The following KANK1 variants were observed in gnomAD, a reference collection of about 807,000 sequenced individuals.
The protein encoded by KANK1 is KN motif and ankyrin repeat domains 1.
A neutral mutation model predicts 106.2 loss-of-function variants in KANK1; 109 were observed. The ratio of observed to expected loss-of-function variants is 1.03; its 90% CI spans 0.88 to 1.20. The LOEUF (loss-of-function observed/expected upper bound fraction) is 1.20, where lower values mean the gene tolerates loss of function less well. KANK1 is among the 50% of genes most tolerant of loss of function. The pLI is 0.00. For missense variants in KANK1, 2,399 were observed against 1,710.7 expected (o/e 1.40, Z -7.10); for synonymous variants, 873 against 652.2 (o/e 1.34, Z -5.16).
At chr9:571,746 C>G (rs1819231567) in intron 1 of KANK1, among the ~76,000 whole-genome samples, 1 of 152,130 alleles carries the variant, frequency 6.6e-6, no homozygotes, top group African/African-American at 2.4e-5. Context: ...GAAGCAGACA[C>G]ATGGAGCAAG....
At position 672,834 on chromosome 9, in the gene KANK1, C is replaced by G. The variant is rs555013815; in HGVS notation, c.-83-4056C>G. Among the ~76,000 whole-genome samples the G allele has an allele frequency of 4.8e-4, 73 of 152,274 alleles. 1 individual carries two copies. Among genetic ancestry groups the G allele is most frequent in the Middle Eastern group, 3.4e-3 (1 of 294 alleles). On this transcript the variant is annotated intron_variant, in intron 1 of 11. Coordinates refer to ENST00000382297, the MANE Select transcript of KANK1 (RefSeq NM_015158.5). Reference sequence around the variant, plus strand: ...TTCAGTCTCCCGAAATAAATAGACACAAAGACAAATTCTTTATTTTCTCTG... The same window carrying G: ...TTCAGTCTCCCGAAATAAATAGACAGAAAGACAAATTCTTTATTTTCTCTG...
At chr9:702,324 C>G (rs896146041) in intron 2 of KANK1, among the ~76,000 whole-genome samples, 9 of 152,136 alleles carry the variant, frequency 5.9e-5, no homozygotes, top group African/African-American at 2.2e-4. Flanking sequence ...TCTGGCAATG[C>G]CAGCTGTCAT....
intron 1 of KANK1, among the ~76,000 whole-genome samples, chr9:601,771 A>G (rs972405334): frequency 6.6e-6 from 1 of 151,700 alleles, no homozygotes; most frequent in African/African-American, 2.4e-5. Flanking sequence ...TTTTTCAAGT[A>G]CTTCCTCACA....
Position 712,750 on chromosome 9 carries a change from G to A in KANK1, c.1984G>A (p.Val662Ile), listed in dbSNP as rs777850142. The change falls in exon 3 of 12, where the codon GTC (valine) becomes ATC (isoleucine). Residue 662 changes from valine to isoleucine, a missense_variant. Physicochemically the swap from Val to Ile is conservative, Grantham distance 29. Coordinates refer to ENST00000382297, the MANE Select transcript of KANK1 (RefSeq NM_015158.5). ...GGCTGTTAGCCAGGTGGAAGCTGCC[G>A]TCATGGCAGTGCCTCGTACTGCAGA... ...TEAVSQVEAA[V>I]MAVPRTADQD... The A allele has an allele frequency of 5.6e-5, 90 of 1,613,762 alleles. 1 individual carries two copies. Among genetic ancestry groups the A allele is most frequent in the South Asian group, 3.0e-4 (27 of 91,012 alleles).
intron 3 of KANK1, chr9:484,377 A>G (rs2058256541): frequency 6.6e-6 from 1 of 152,268 alleles, no homozygotes; most frequent in African/African-American, 2.4e-5. Context: ...GTGAAGATTA[A>G]AAGAACAAGA....
chr9:726,205 C>G (rs1002495619), intron 3 of KANK1, among the ~76,000 whole-genome samples: 1 of 151,452 alleles, frequency 6.6e-6, no homozygotes, highest in African/African-American at 2.4e-5. Flanking sequence ...TAGGGCAGGC[C>G]TTTCCTACAA....
intron 1 of KANK1, among the ~76,000 whole-genome samples, chr9:666,027 A>G (rs1281100263): frequency 6.6e-6 from 1 of 152,018 alleles, no homozygotes; most frequent in African/African-American, 2.4e-5. Context: ...AAAAAAATCA[A>G]AATATTAGCC....
In KANK1 at chr9:730,211, G is replaced by C; in HGVS notation, c.2859G>C (p.Val953=). ...FPTQEGTLSP[V]NLTDDQIAAG... ...CTCAGGAAGGTACGCTGTCTCCAGT[G>C]AACCTGACAGACGACCAGATCGCCG... The change falls in exon 4 of 12, where the codon GTG becomes GTC. Residue 953 remains valine (V), a synonymous_variant. Coordinates refer to ENST00000382297, the MANE Select transcript of KANK1 (RefSeq NM_015158.5). 10 of 1,614,152 alleles carry C rather than the reference G, an allele frequency of 6.2e-6. No individual in the cohort carries two copies. Among genetic ancestry groups the C allele is most frequent in the Non-Finnish European group, 8.5e-6 (10 of 1,180,028 alleles).
intron 1 of KANK1, among the ~76,000 whole-genome samples, chr9:525,036 G>A (rs1234799692): frequency 7.3e-6 from 1 of 137,778 alleles, no homozygotes; most frequent in Non-Finnish European, 1.5e-5. Flanking sequence ...ACCCAGGCTG[G>A]AGAGCACTGG....
chr9:510,812 A>C (rs2058997223), intron 1 of KANK1, among the ~76,000 whole-genome samples: 1 of 152,230 alleles, frequency 6.6e-6, no homozygotes, highest in African/African-American at 2.4e-5. Context: ...CAGAGATTAG[A>C]ATGCAGTAGG....
At chr9:477,458 T>C (rs182776272) in intron 3 of KANK1, among the ~76,000 whole-genome samples, 1 of 152,316 alleles carries the variant, frequency 6.6e-6, no homozygotes, top group African/African-American at 2.4e-5. Context: ...TGAACCTGAA[T>C]TCTAAAGCTA....
At chr9:743,126 A>G (rs1396311501) in intron 10 of KANK1, among the ~76,000 whole-genome samples, 1 of 152,180 alleles carries the variant, frequency 6.6e-6, no homozygotes, top group Non-Finnish European at 1.5e-5. Flanking sequence ...GATGGTGTAA[A>G]GGTCACAGAG....
rs774067176 is a variant in KANK1 at position 711,731 on chromosome 9, G to T, written c.965G>T (p.Arg322Leu). ...ATCAATGTCTGTGGTGTGAGGAAGC[G>T]GTCCTATAGTGCGGGGAACGCCTCC... is the stretch of plus-strand genomic sequence containing the variant. The part of the protein sequence containing the change: ...SQINVCGVRK[R>L]SYSAGNASQL... Residue 322 changes from arginine (R) to leucine (L), a missense_variant, in exon 3 of 12, where the codon CGG becomes CTG. Coordinates refer to ENST00000382297, the MANE Select transcript of KANK1 (RefSeq NM_015158.5). The T allele has an allele frequency of 8.7e-6, 14 of 1,614,222 alleles. No homozygotes were observed. Among genetic ancestry groups the T allele is most frequent in the Non-Finnish European group, 1.2e-5 (14 of 1,180,042 alleles).
At chr9:698,393 G>A (rs1388173072) in intron 2 of KANK1, among the ~76,000 whole-genome samples, 1 of 152,076 alleles carries the variant, frequency 6.6e-6, no homozygotes, top group South Asian at 2.1e-4. Context: ...GTCCTTCCCA[G>A]GTTAGATTTC....
Position 711,577 on chromosome 9 carries a change from C to T in KANK1, c.811C>T (p.Leu271=), listed in dbSNP as rs748334026. 4 of 1,613,956 alleles carry T rather than the reference C, an allele frequency of 2.5e-6. No homozygotes were observed. The highest frequency in any genetic ancestry group is 3.4e-6 in the Non-Finnish European group (4 of 1,179,990). ...CATCCGCGAGCAGATGGCCATTGCT[C>T]TGAAACGCCTGAAGGAGCTGGAGGA... is the stretch of plus-strand genomic sequence containing the variant. ...QHIREQMAIA[L]KRLKELEEQV... Residue 271 remains leucine, a synonymous_variant, in exon 3 of 12, where the codon CTG becomes TTG. Coordinates refer to ENST00000382297, the MANE Select transcript of KANK1 (RefSeq NM_015158.5).
intron 1 of KANK1, among the ~76,000 whole-genome samples, chr9:544,010 TTTATTTTATTTTA>T (rs2060775303): frequency 6.6e-5 from 10 of 151,954 alleles, no homozygotes; most frequent in Admixed American, 5.9e-4. Context: ...TCTATTTTAT[TTTATTTTATTTTA>T]TTATTTTATT....
intron 1 of KANK1, among the ~76,000 whole-genome samples, chr9:517,344 T>C (rs1434892561): frequency 6.6e-6 from 1 of 151,770 alleles, no homozygotes; most frequent in Non-Finnish European, 1.5e-5. Flanking sequence ...CCTCATGATC[T>C]GCCTGCCTCG....
intron 1 of KANK1, among the ~76,000 whole-genome samples, chr9:675,900 G>T (rs764286492): frequency 9.9e-5 from 15 of 152,206 alleles, no homozygotes; most frequent in Non-Finnish European, 1.0e-4. Context: ...CAGGAAAGGG[G>T]TGGGTAGTTC....
chr9:586,157 G>A (rs774217046), intron 1 of KANK1, among the ~76,000 whole-genome samples: 54 of 152,202 alleles, frequency 3.5e-4, no homozygotes, highest in Non-Finnish European at 7.1e-4. Context: ...TAGTGAGATG[G>A]AATTTTGAGC....
Sources: gnomAD v4.1 joint callset for allele counts (sites outside exome capture counted in the v4.1 genomes callset) on GRCh38, gnomAD v4.1.1 for gene constraint, MANE v1.5 for transcripts, NCBI Gene and HGNC (gene_info 2026-07-23, HGNC 2026-07-21) for gene names.